HIPK1: variants seen among roughly 807,000 people sequenced by gnomAD.
HIPK1 encodes the protein homeodomain-interacting protein kinase 1.
Under a neutral mutation model 117.1 loss-of-function variants are expected in HIPK1, and 28 were observed. The observed-to-expected ratio is 0.24, with a 90% CI of 0.18 to 0.33. HIPK1 has a LOEUF of 0.33. Ranked by LOEUF, HIPK1 falls within the 10% of genes least tolerant of loss-of-function variation. HIPK1 has a pLI of 1.00. For synonymous variants in HIPK1, 605 were observed against 562.5 expected (o/e 1.08, Z -1.07); for missense variants, 1,122 against 1,475.1 (o/e 0.76, Z 3.92).
intron 14 of HIPK1, 62 bp from the exon 15 acceptor site, chr1:113,971,762 A>C: frequency 6.6e-7 from 1 of 1,521,088 alleles, no homozygotes; most frequent in Admixed American, 2.3e-5. Flanking sequence ...AATTAATATG[A>C]TGCCATCTGA....
chr1:113,973,353 C>G lies in HIPK1; in HGVS notation c.3474C>G (p.Val1158=). The change falls in exon 16 of 16, where the codon GTC becomes GTG. Residue 1158 remains valine (V), a synonymous_variant. Coordinates refer to ENST00000426820, the MANE Select transcript of HIPK1 (RefSeq NM_198268.3). ...GCACTTTGGTGCACCAGGTCCCTGT[C>G]AGTGTTGGGCCCAGCCTCCTCACTT... The part of the protein sequence containing the change: ...HPSTLVHQVP[V]SVGPSLLTSA... The G allele has an allele frequency of 6.2e-7, 1 of 1,614,210 alleles. No homozygotes were observed. Among genetic ancestry groups the G allele is most frequent in the South Asian group, 1.1e-5 (1 of 91,076 alleles).
Position 113,966,968 on chromosome 1 carries a change from A to T in HIPK1, c.2381+696A>T, listed in dbSNP as rs760129815. ...AATTGTTTTGATTTTTAGATCCCATAAATAAGTGAGAACATGTGGTTTGTC... is the reference window on the plus strand; with the variant it reads ...AATTGTTTTGATTTTTAGATCCCATTAATAAGTGAGAACATGTGGTTTGTC... On this transcript the variant is annotated intron_variant, in intron 11 of 15. Coordinates refer to ENST00000426820, the MANE Select transcript of HIPK1 (RefSeq NM_198268.3). Among the ~76,000 whole-genome samples, 7 of 152,098 alleles carry T rather than the reference A, an allele frequency of 4.6e-5. No individual in the cohort carries two copies. The East Asian group carries it at 1.2e-3, about 25-fold the overall frequency.
chr1:113,938,865 GCACC>G (rs1320348959), intron 1 of HIPK1, among the ~76,000 whole-genome samples: 1 of 146,462 alleles, frequency 6.8e-6, no homozygotes, highest in African/African-American at 2.5e-5. Context: ...AGCCAAGATT[GCACC>G]ATTGCACTCC....
Position 113,967,965 on chromosome 1 carries a change from G to A in HIPK1, c.2564+17G>A, listed in dbSNP as rs1236125755. On this transcript the variant is annotated intron_variant, in intron 12 of 15. Coordinates refer to ENST00000426820, the MANE Select transcript of HIPK1 (RefSeq NM_198268.3). ...CTCTTCCAAGTGAGTCTGTGTTACAGCTGATAGTTAAAACTGTGCCAGTTT... is the reference window on the plus strand; with the variant it reads ...CTCTTCCAAGTGAGTCTGTGTTACAACTGATAGTTAAAACTGTGCCAGTTT... The A allele has an allele frequency of 6.3e-7, 1 of 1,598,456 alleles. No homozygotes were observed. The highest frequency in any genetic ancestry group is 1.1e-5 in the South Asian group (1 of 88,748).
chr1:113,956,548 A>G, intron 5 of HIPK1, 79 bp from the exon 6 acceptor site: 1 of 951,880 alleles, frequency 1.1e-6, no homozygotes, highest in Non-Finnish European at 1.6e-6. Flanking sequence ...ACACACACAT[A>G]GTTTGGAGGG....
At chr1:113,967,146 A>C (rs937997484) in intron 11 of HIPK1, among the ~76,000 whole-genome samples, 2 of 152,314 alleles carry the variant, frequency 1.3e-5, no homozygotes, top group Admixed American at 1.3e-4. Context: ...ATGGACACTT[A>C]GGCTGCTTCC....
intron 1 of HIPK1, among the ~76,000 whole-genome samples, chr1:113,938,319 GA>G (rs1401033279): frequency 6.6e-6 from 1 of 150,462 alleles, no homozygotes; most frequent in African/African-American, 2.4e-5. Flanking sequence ...TTCCCAGGCT[GA>G]TCTTGAACTC....
intron 1 of HIPK1, chr1:113,930,522 C>T (rs1019249769): frequency 2.6e-5 from 4 of 152,184 alleles, no homozygotes; most frequent in African/African-American, 4.8e-5. Context: ...CAAGGGAGAT[C>T]TAGAGGTCTG....
chr1:113,967,638 A>G lies in HIPK1; in HGVS notation c.2382-128A>G. On this transcript the variant is annotated intron_variant, in intron 11 of 15. Transcript: ENST00000426820. ...ATTCTGGTTATTAATCCCTTATCAG[A>G]TGGTAGGTGCTCAACTTTAAAAAAA... 5.9e-6 allele frequency: 3 copies of G among 511,308 alleles called. No individual in the cohort carries two copies. In the South Asian group the frequency reaches 1.4e-4, roughly 24 times the overall value. 31.7% of individuals were successfully genotyped at this position (511,308 alleles called of 1,614,324 possible). A position where few individuals can be genotyped will look rare whatever the true frequency, so the allele number is the denominator to read the frequency against.
intron 13 of HIPK1, among the ~76,000 whole-genome samples, chr1:113,969,047 C>G (rs1020094327): frequency 6.6e-6 from 1 of 151,926 alleles, no homozygotes; most frequent in East Asian, 1.9e-4. Context: ...AAAAAAGGGC[C>G]GAAGAAAAAG....
chr1:113,936,130 GTGT>G (rs1558124094), intron 1 of HIPK1, among the ~76,000 whole-genome samples: 2 of 152,160 alleles, frequency 1.3e-5, no homozygotes, highest in African/African-American at 4.8e-5. Flanking sequence ...TTCTCACCTT[GTGT>G]TAATTGAGGT....
chr1:113,955,834 A>G (rs1440492885), intron 5 of HIPK1, among the ~76,000 whole-genome samples, 185 bp downstream of exon 5: 1 of 152,166 alleles, frequency 6.6e-6, no homozygotes, highest in Non-Finnish European at 1.5e-5. Context: ...TATTTTTAGA[A>G]TTACATATTT....
rs140161727 is a variant in HIPK1, at chr1:113,944,159, G to GTTTTTTTTTTTTTT, written c.1076+2716_1076+2729dup. Among the ~76,000 whole-genome samples the GTTTTTTTTTTTTTT allele has an allele frequency of 1.3e-4, 7 of 55,234 alleles. 2 individuals carry two copies. The highest frequency in any genetic ancestry group is 5.2e-4 in the African/African-American group (6 of 11,530). The allele number at this position is 55,234 out of a possible 152,430, so 36.2% of individuals were successfully genotyped here. On this transcript the variant is annotated intron_variant, in intron 2 of 15. Coordinates refer to ENST00000426820, the MANE Select transcript of HIPK1 (RefSeq NM_198268.3). ...TTTGTTTTTTAAATAATAGCCATGG[G>GTTTTTTTTTTTTTT]TTTTTTTTTTTTTTTTTTTTTTTTT...
Position 113,952,768 on chromosome 1 carries a change from C to A in HIPK1, c.1079C>A (p.Ala360Asp). 6.9e-7 allele frequency: 1 copy of A among 1,456,102 alleles called. No homozygotes were observed. Among genetic ancestry groups the A allele is most frequent in the Non-Finnish European group, 9.1e-7 (1 of 1,100,880 alleles). The allele number at this position is 1,456,102 out of a possible 1,614,324, so 90.2% of individuals were successfully genotyped here. Residue 360 changes from alanine (A) to aspartate (D), a missense_variant and splice_region_variant, in exon 3 of 16, where the codon GCT (alanine) becomes GAT (aspartate). Coordinates refer to ENST00000426820, the MANE Select transcript of HIPK1 (RefSeq NM_198268.3). ...STYLQSRYYR[A>D]PEIILGLPFC... ...CTGATATTTTTTGTTTTTGCTAGAG[C>A]TCCTGAAATTATTCTTGGGTTACCA...
intron 5 of HIPK1, among the ~76,000 whole-genome samples, chr1:113,956,067 ATTTT>A (rs755763487): frequency 1.1e-5 from 1 of 91,826 alleles, no homozygotes. Context: ...TACTTGTTCC[ATTTT>A]TTTTTTTTTT....
intron 2 of HIPK1, among the ~76,000 whole-genome samples, chr1:113,942,681 C>T (rs1670729737): frequency 6.6e-6 from 1 of 152,092 alleles, no homozygotes; most frequent in Admixed American, 6.6e-5. Context: ...TTTAATGTAG[C>T]TACCATTTTA....
Position 113,968,490 on chromosome 1 carries a change from C to T in HIPK1, c.2613C>T (p.Ser871=). The T allele has an allele frequency of 1.2e-6, 2 of 1,614,052 alleles. No individual in the cohort carries two copies. Among genetic ancestry groups the T allele is most frequent in the Non-Finnish European group, 1.7e-6 (2 of 1,179,902 alleles). ...CCCAAGTCTATTCTCTGGTTGGGAG[C>T]AGTCCCCTCCGCACCACATCTTCTT... The part of the protein sequence containing the change: ...LPSQVYSLVG[S]SPLRTTSSYN... The change falls in exon 13 of 16, where the codon AGC becomes AGT. Residue 871 remains serine (S), a synonymous_variant. Coordinates refer to ENST00000426820, the MANE Select transcript of HIPK1 (RefSeq NM_198268.3).
rs1673129287 is a variant in HIPK1 at position 113,976,240 on chromosome 1, T to TC, written c.*2729dup. The TC allele has an allele frequency of 6.6e-6, 1 of 152,532 alleles. No individual in the cohort carries two copies. The highest frequency in any genetic ancestry group is 2.1e-4 in the South Asian group (1 of 4,836). 9.4% of individuals were successfully genotyped at this position (152,532 alleles called of 1,614,324 possible). On this transcript the variant is annotated 3_prime_UTR_variant, in exon 16 of 16. Coordinates refer to ENST00000426820, the MANE Select transcript of HIPK1 (RefSeq NM_198268.3). ...AGTTGTGTTTTCAGCACTATATTGG[T>TC]CAAGATAGCCAAGCAGTTTGTATAA... is the stretch of plus-strand genomic sequence containing the variant.
chr1:113,969,583 C>G (rs1672684108), intron 13 of HIPK1, among the ~76,000 whole-genome samples: 1 of 152,060 alleles, frequency 6.6e-6, no homozygotes, highest in Admixed American at 6.5e-5. Flanking sequence ...CATGGGAGAA[C>G]CAGAGACAGA....
Sources: allele counts gnomAD v4.1 joint callset (sites outside exome capture counted in the v4.1 genomes callset), GRCh38; gene constraint gnomAD v4.1.1; transcripts MANE v1.5; gene names NCBI Gene and HGNC (gene_info 2026-07-23, HGNC 2026-07-21).